Variants in CSMD1 observed in about 807,000 individuals in gnomAD.
The protein encoded by CSMD1 is CUB and sushi domain-containing protein 1.
CSMD1 carries 213 observed loss-of-function variants against 417.5 expected under a neutral mutation model. The ratio of observed to expected loss-of-function variants is 0.51; its 90% CI spans 0.46 to 0.57. The LOEUF is 0.57. Ranked by LOEUF, CSMD1 falls within the 20% of genes least tolerant of loss-of-function variation. CSMD1 has a pLI of 0.00. For synonymous variants in CSMD1, 2,862 were observed against 1,736.8 expected (o/e 1.65, Z -16.11); for missense variants, 6,923 against 4,529.7 (o/e 1.53, Z -15.17).
chr8:3,432,611 G>A (rs1471699841), intron 12 of CSMD1, among the ~76,000 whole-genome samples: 1 of 151,242 alleles, frequency 6.6e-6, no homozygotes, highest in East Asian at 2.0e-4. Flanking sequence ...TGCCTCCCGG[G>A]ATCAAGAGAT....
At chr8:4,294,426 G>A (rs901861866) in intron 3 of CSMD1, among the ~76,000 whole-genome samples, 1 of 152,106 alleles carries the variant, frequency 6.6e-6, no homozygotes, top group Non-Finnish European at 1.5e-5. Flanking sequence ...ATGTTTATCA[G>A]ACACTTCAAT....
At chr8:3,105,513 C>T (rs1489800725) in intron 46 of CSMD1, among the ~76,000 whole-genome samples, 1 of 152,222 alleles carries the variant, frequency 6.6e-6, no homozygotes, top group Non-Finnish European at 1.5e-5. Flanking sequence ...TTCAATGATA[C>T]TTGAAAGTGG....
intron 5 of CSMD1, among the ~76,000 whole-genome samples, chr8:3,965,685 T>C (rs1812636859): frequency 6.6e-6 from 1 of 152,128 alleles, no homozygotes; most frequent in Admixed American, 6.5e-5. Flanking sequence ...TGGTGCCATC[T>C]CAGCTCACTA....
intron 5 of CSMD1, among the ~76,000 whole-genome samples, chr8:3,949,670 G>A (rs187505807): frequency 6.6e-6 from 1 of 152,180 alleles, no homozygotes; most frequent in African/African-American, 2.4e-5. Context: ...ATGAGAGAAA[G>A]GAGGAGGAGA....
chr8:3,304,697 C>T (rs1804682515), intron 25 of CSMD1, among the ~76,000 whole-genome samples: 1 of 148,310 alleles, frequency 6.7e-6, no homozygotes, highest in Non-Finnish European at 1.5e-5. Context: ...ATAAAAACTG[C>T]ACGTTTTTAT....
intron 3 of CSMD1, among the ~76,000 whole-genome samples, chr8:4,374,102 G>T (rs1362775309): frequency 6.6e-6 from 1 of 152,072 alleles, no homozygotes; most frequent in Non-Finnish European, 1.5e-5. Flanking sequence ...CCGAAGCATG[G>T]TTTTCACACC....
At chr8:3,102,404 C>G (rs1255836845) in intron 46 of CSMD1, among the ~76,000 whole-genome samples, 2 of 152,284 alleles carry the variant, frequency 1.3e-5, no homozygotes, top group South Asian at 2.1e-4. Context: ...CTAGGTTATC[C>G]TGTTCGCCTC....
At chr8:4,348,995 A>G (rs1800934939) in intron 3 of CSMD1, among the ~76,000 whole-genome samples, 1 of 152,224 alleles carries the variant, frequency 6.6e-6, no homozygotes, top group Non-Finnish European at 1.5e-5. Flanking sequence ...GACAAACTGA[A>G]AAATTGAAAA....
At chr8:3,132,389 G>C (rs1817838033) in intron 41 of CSMD1, among the ~76,000 whole-genome samples, 1 of 151,712 alleles carries the variant, frequency 6.6e-6, no homozygotes, top group South Asian at 2.1e-4. Context: ...AACTTAATGG[G>C]TTTAGATTAC....
chr8:4,264,540 G>A (rs9693238), intron 3 of CSMD1, among the ~76,000 whole-genome samples: 2 of 152,046 alleles, frequency 1.3e-5, no homozygotes, highest in African/African-American at 4.8e-5. Context: ...GTTACTTAAA[G>A]CCCTGTTTTT....
intron 2 of CSMD1, among the ~76,000 whole-genome samples, chr8:4,527,994 C>T (rs1338853981): frequency 1.3e-5 from 2 of 152,194 alleles, no homozygotes; most frequent in African/African-American, 2.4e-5. Context: ...ATGGCTCTCA[C>T]TCAGAGCCCT....
At chr8:4,488,653 G>T (rs932052979) in intron 2 of CSMD1, among the ~76,000 whole-genome samples, 2 of 151,530 alleles carry the variant, frequency 1.3e-5, no homozygotes, top group African/African-American at 2.4e-5. Context: ...CCTCTAAAAA[G>T]GAACACCAAA....
intron 1 of CSMD1, among the ~76,000 whole-genome samples, chr8:4,672,828 C>T (rs1269364552): frequency 6.6e-6 from 1 of 152,046 alleles, no homozygotes; most frequent in African/African-American, 2.4e-5. Flanking sequence ...CACACACACA[C>T]ACTCCCGTAT....
At chr8:4,566,161 G>A (rs1201115830) in intron 2 of CSMD1, among the ~76,000 whole-genome samples, 2 of 152,090 alleles carry the variant, frequency 1.3e-5, no homozygotes. Flanking sequence ...CTTGCTATCA[G>A]CACTGAATGA....
intron 4 of CSMD1, among the ~76,000 whole-genome samples, chr8:4,017,537 C>G (rs1317985030): frequency 6.6e-6 from 1 of 152,168 alleles, no homozygotes; most frequent in South Asian, 2.1e-4. Flanking sequence ...AACTCCCGAT[C>G]TCAGATGATC....
chr8:3,378,004 C>T (rs1159782465), intron 18 of CSMD1, among the ~76,000 whole-genome samples: 7 of 152,062 alleles, frequency 4.6e-5, no homozygotes, highest in Non-Finnish European at 7.4e-5. Flanking sequence ...CAGAGGAATG[C>T]TCATCAAGGC....
intron 10 of CSMD1, among the ~76,000 whole-genome samples, chr8:3,555,970 G>A (rs376826983): frequency 6.6e-6 from 1 of 152,112 alleles, no homozygotes; most frequent in Non-Finnish European, 1.5e-5. Flanking sequence ...AATGTTAAAT[G>A]ACAGACTATT....
chr8:3,448,256 G>T (rs917700895), intron 12 of CSMD1, among the ~76,000 whole-genome samples: 2 of 122,434 alleles, frequency 1.6e-5, no homozygotes, highest in Non-Finnish European at 3.5e-5. Context: ...TTGATCTCAA[G>T]ACCATCCTTG....
intron 1 of CSMD1, among the ~76,000 whole-genome samples, chr8:4,909,188 T>C (rs1484017625): frequency 2.6e-5 from 4 of 152,184 alleles, no homozygotes; most frequent in African/African-American, 7.2e-5. Flanking sequence ...TCCACTCTTA[T>C]AATGCAGGAG....
Sources: allele counts gnomAD v4.1 joint callset (sites outside exome capture counted in the v4.1 genomes callset), GRCh38; gene constraint gnomAD v4.1.1; transcripts MANE v1.5; gene names NCBI Gene and HGNC (gene_info 2026-07-23, HGNC 2026-07-21).